Variants in RFX2 observed in about 807,000 individuals in gnomAD.
RFX2 encodes the protein DNA-binding protein RFX2.
RFX2 carries 20 observed loss-of-function variants against 87.8 expected under a neutral mutation model. The observed-to-expected ratio is 0.23, with a 90% CI of 0.16 to 0.33. RFX2 has a LOEUF of 0.33. RFX2 is among the 10% of genes least tolerant of loss of function. RFX2 has a pLI of 1.00. For synonymous variants in RFX2, 397 were observed against 431.3 expected (o/e 0.92, Z 0.98); for missense variants, 767 against 1,012.3 (o/e 0.76, Z 3.29).
intron 1 of RFX2, among the ~76,000 whole-genome samples, chr19:6,095,411 A>G (rs1029704971): frequency 6.6e-6 from 1 of 152,214 alleles, no homozygotes; most frequent in Non-Finnish European, 1.5e-5. Flanking sequence ...CATGGCCTCT[A>G]TCCTCAAGGG....
chr19:6,016,134 G>T lies in RFX2; in HGVS notation c.735C>A (p.Ile245=), dbSNP rs1439107323. ...TTCTCAGCCCCATAAACACAGAACG[G>T]ATCAGTTTCCCGAAGGAGGCGGCGT... ...PVNAASFGKL[I]RSVFMGLRTR... The change falls in exon 7 of 18, where the codon ATC becomes ATA. Residue 245 remains isoleucine (I), a synonymous_variant. Transcript: ENST00000303657. This position sits in a 1 kb window ranked among gnomAD's most constrained non-coding sequence, Gnocchi z 5.4. 2 of 1,613,918 alleles carry T rather than the reference G, an allele frequency of 1.2e-6. No homozygotes were observed. The highest frequency in any genetic ancestry group is 2.7e-5 in the African/African-American group (2 of 74,940).
chr19:6,063,170 G>A lies in RFX2; in HGVS notation c.-8-15666C>T, dbSNP rs928454247. On this transcript the variant is annotated intron_variant, in intron 1 of 17. Transcript: ENST00000303657. This position sits in a 1 kb window ranked among gnomAD's most constrained non-coding sequence, Gnocchi z 4.0. ...TGGCGCCTGCTCTGTGGGGAAAGCC[G>A]GGCTTCCTCTGATTCCGGATGGAGT... Among the ~76,000 whole-genome samples, 1 of 152,092 alleles carries A rather than the reference G, an allele frequency of 6.6e-6. No homozygotes were observed. Among genetic ancestry groups the A allele is most frequent in the Non-Finnish European group, 1.5e-5 (1 of 68,034 alleles).
Position 6,016,331 on chromosome 19 carries a change from C to T in RFX2, c.598-60G>A, listed in dbSNP as rs192854378. 149 of 1,248,394 alleles carry T rather than the reference C, an allele frequency of 1.2e-4. 1 individual carries two copies. In the East Asian group the frequency reaches 3.0e-3, roughly 25 times the overall value. The allele number at this position is 1,248,394 out of a possible 1,614,324, so 77.3% of individuals were successfully genotyped here. ...AGCCTGAGGAACGCTAACATGCCAA[C>T]GTGGACTCATTAAGAGAATTACTTG... On this transcript the variant is annotated intron_variant, in intron 6 of 17. Coordinates refer to ENST00000303657, the MANE Select transcript of RFX2 (RefSeq NM_000635.4). This position sits in a 1 kb window ranked among gnomAD's most constrained non-coding sequence, Gnocchi z 5.4.
intron 1 of RFX2, among the ~76,000 whole-genome samples, chr19:6,055,074 T>A (rs1428092798): frequency 1.3e-5 from 2 of 152,168 alleles, no homozygotes; most frequent in African/African-American, 4.8e-5. Context: ...AAGCAAGATA[T>A]ACAGATGCCC....
intron 1 of RFX2, among the ~76,000 whole-genome samples, chr19:6,098,965 CAAAAAAAA>C (rs34110529): frequency 5.7e-5 from 3 of 52,730 alleles, no homozygotes; most frequent in African/African-American, 1.0e-4. Context: ...GCTTGAACCA[CAAAAAAAA>C]AAAAAAAAAA....
At chr19:6,059,756 CAT>C (rs2087401333) in intron 1 of RFX2, among the ~76,000 whole-genome samples, 2 of 152,128 alleles carry the variant, frequency 1.3e-5, no homozygotes, top group Non-Finnish European at 2.9e-5. Flanking sequence ...CACACAAACA[CAT>C]GTACATACAT....
At position 6,013,421 on chromosome 19, in the gene RFX2, A is replaced by G. The variant is rs2086684718; in HGVS notation, c.780-316T>C. Reference sequence around the variant, plus strand: ...GGCTGGTCTCAAACTCCTGGGCTCAAGTGATCCTCCTGCCTTGGCCTCCCA... The same window carrying G: ...GGCTGGTCTCAAACTCCTGGGCTCAGGTGATCCTCCTGCCTTGGCCTCCCA... On this transcript the variant is annotated intron_variant, in intron 7 of 17. Transcript: ENST00000303657. The surrounding 1 kb of genome is among the most constrained non-coding windows in gnomAD (Gnocchi z 4.1). 6.6e-6 allele frequency among the ~76,000 whole-genome samples: 1 copy of G among 151,472 alleles called. No homozygotes were observed. The highest frequency in any genetic ancestry group is 1.5e-5 in the Non-Finnish European group (1 of 67,940).
chr19:6,086,474 A>G (rs985075139), intron 1 of RFX2, among the ~76,000 whole-genome samples: 26 of 152,352 alleles, frequency 1.7e-4, no homozygotes, highest in East Asian at 7.7e-4. Context: ...ATCTCCAAAC[A>G]TGGCTAAGCA....
Position 6,007,837 on chromosome 19 carries a change from C to T in RFX2, c.1135-35G>A, listed in dbSNP as rs369571327. 15 of 1,392,254 alleles carry T rather than the reference C, an allele frequency of 1.1e-5. No individual in the cohort carries two copies. The highest frequency in any genetic ancestry group is 1.7e-4 in the Middle Eastern group (1 of 5,734). 86.2% of individuals were successfully genotyped at this position (1,392,254 alleles called of 1,614,324 possible). On this transcript the variant is annotated intron_variant, in intron 10 of 17. Coordinates refer to ENST00000303657, the MANE Select transcript of RFX2 (RefSeq NM_000635.4). The surrounding 1 kb of genome is among the most constrained non-coding windows in gnomAD (Gnocchi z 8.2). ...AAGGGACCGGTGAGACAGACGGGTG[C>T]GTGCGCCCATCACGTGCACTCAGCA...
chr19:6,050,711 T>C lies in RFX2; in HGVS notation c.-8-3207A>G, dbSNP rs928999236. Reference sequence around the variant, plus strand: ...AATAGAACAAACTGTCTAATATATATGTAACGAGAGTCCCAGAAGAGAAAA... The same window carrying C: ...AATAGAACAAACTGTCTAATATATACGTAACGAGAGTCCCAGAAGAGAAAA... On this transcript the variant is annotated intron_variant, in intron 1 of 17. Coordinates refer to ENST00000303657, the MANE Select transcript of RFX2 (RefSeq NM_000635.4). The surrounding 1 kb of genome is among the most constrained non-coding windows in gnomAD (Gnocchi z 4.6). Among the ~76,000 whole-genome samples, 1 of 152,184 alleles carries C rather than the reference T, an allele frequency of 6.6e-6. No homozygotes were observed.
rs373576438 is a variant in RFX2, at chr19:6,001,478, A to G, written c.1859+337T>C. ...CTGATATTTTCCCCAGGGTCGTCTC[A>G]AATTTCTGGTCTCAAGCCATCCTCC... On this transcript the variant is annotated intron_variant, in intron 15 of 17. Transcript: ENST00000303657. The surrounding 1 kb of genome is among the most constrained non-coding windows in gnomAD (Gnocchi z 5.6). 3.9e-5 allele frequency among the ~76,000 whole-genome samples: 6 copies of G among 152,224 alleles called. No homozygotes were observed. The highest frequency in any genetic ancestry group is 3.9e-4 in the East Asian group (2 of 5,176).
chr19:6,029,256 C>CA (rs549438410), intron 5 of RFX2, among the ~76,000 whole-genome samples: 1,464 of 94,340 alleles, frequency 0.016, 24 homozygotes, highest in East Asian at 0.14. Context: ...ATGAGGCACG[C>CA]AAAAAAAAAA....
intron 6 of RFX2, among the ~76,000 whole-genome samples, chr19:6,025,803 T>TTG (rs2086880265): frequency 6.7e-6 from 1 of 149,298 alleles, no homozygotes; most frequent in East Asian, 2.0e-4. Context: ...TTTTTTTTTT[T>TTG]GAGATGGAGT....
rs570860043 is a variant in RFX2 at position 6,039,246 on chromosome 19, C to T, written c.522+734G>A. 2.6e-5 allele frequency among the ~76,000 whole-genome samples: 4 copies of T among 152,332 alleles called. No homozygotes were observed. Among genetic ancestry groups the T allele is most frequent in the African/African-American group, 4.8e-5 (2 of 41,580 alleles). ...TCTGTACGATTCCATTTATACACCA[C>T]GCTAGTAAAGATGAAACTACAGCAA... On this transcript the variant is annotated intron_variant, in intron 5 of 17. Coordinates refer to ENST00000303657, the MANE Select transcript of RFX2 (RefSeq NM_000635.4). This position sits in a 1 kb window ranked among gnomAD's most constrained non-coding sequence, Gnocchi z 5.2.
rs992886609 is a variant in RFX2, at chr19:6,074,930, C to A, written c.-8-27426G>T. Among the ~76,000 whole-genome samples, 2 of 152,122 alleles carry A rather than the reference C, an allele frequency of 1.3e-5. No individual in the cohort carries two copies. The highest frequency in any genetic ancestry group is 2.9e-5 in the Non-Finnish European group (2 of 68,018). On this transcript the variant is annotated intron_variant, in intron 1 of 17. Transcript: ENST00000303657. The surrounding 1 kb of genome is among the most constrained non-coding windows in gnomAD (Gnocchi z 5.2). ...TTAAATTCCTATGCTGAACTCCTCA[C>A]CCCAAGGCAGTAGCTTTAGGAGGTG... is the stretch of plus-strand genomic sequence containing the variant.
chr19:6,002,628 G>A lies in RFX2; in HGVS notation c.1650+93C>T, dbSNP rs144708216. On this transcript the variant is annotated intron_variant, in intron 14 of 17. Coordinates refer to ENST00000303657, the MANE Select transcript of RFX2 (RefSeq NM_000635.4). The surrounding 1 kb of genome is among the most constrained non-coding windows in gnomAD (Gnocchi z 6.7). The stretch of plus-strand genomic sequence containing the variant: ...AACCGTGGCCAGGCTCGGGGCAGGG[G>A]CCAGGTTGTGCCACGGGCTCCACTT... The A allele has an allele frequency of 1.1e-5, 17 of 1,493,788 alleles. No homozygotes were observed. Among genetic ancestry groups the A allele is most frequent in the Non-Finnish European group, 1.4e-5 (15 of 1,087,538 alleles). 92.5% of individuals were successfully genotyped at this position (1,493,788 alleles called of 1,614,324 possible). A position where few individuals can be genotyped will look rare whatever the true frequency, so the allele number is the denominator to read the frequency against.
At chr19:6,051,908 C>T (rs561695037) in intron 1 of RFX2, among the ~76,000 whole-genome samples, 8 of 152,154 alleles carry the variant, frequency 5.3e-5, no homozygotes, top group East Asian at 1.9e-4. Context: ...GATGGAGTCT[C>T]GCTCTGTTGC....
At chr19:6,079,286 G>A (rs945947573) in intron 1 of RFX2, among the ~76,000 whole-genome samples, 1 of 152,188 alleles carries the variant, frequency 6.6e-6, no homozygotes, top group African/African-American at 2.4e-5. Flanking sequence ...CATCCATCAT[G>A]AAGAGAAAAT....
chr19:6,108,853 C>T (rs1278616214), intron 1 of RFX2, among the ~76,000 whole-genome samples: 3 of 152,096 alleles, frequency 2.0e-5, no homozygotes, highest in Non-Finnish European at 4.4e-5. Flanking sequence ...TTGGGGCCCT[C>T]GGGGGCCCTT....
Sources: allele counts gnomAD v4.1 joint callset (sites outside exome capture counted in the v4.1 genomes callset), GRCh38; gene constraint gnomAD v4.1.1; non-coding constraint Gnocchi (gnomAD v3.1); transcripts MANE v1.5; gene names NCBI Gene and HGNC (gene_info 2026-07-23, HGNC 2026-07-21).